Variants in NELL2 observed in about 807,000 individuals in gnomAD.
The protein encoded by NELL2 is protein kinase C-binding protein NELL2.
A neutral mutation model predicts 109.6 loss-of-function variants in NELL2; 41 were observed. That is an observed-to-expected ratio of 0.37 (90% CI 0.29 to 0.49). The LOEUF is 0.49. NELL2 is among the 20% of genes least tolerant of loss of function. The probability of loss-of-function intolerance (pLI) is 0.98; values close to 1 mark genes in which losing one functional copy is unlikely to be tolerated. For missense variants in NELL2, 900 were observed against 1,008.3 expected, an observed-to-expected ratio of 0.89 and a Z score of 1.45; for synonymous variants, 355 against 344.7, an observed-to-expected ratio of 1.03 and a Z score of -0.33.
chr12:44,566,566 C>CACACACACACACACACAGAGAGAG (rs377368706), intron 15 of NELL2, among the ~76,000 whole-genome samples: 1 of 138,422 alleles, frequency 7.2e-6, no homozygotes, highest in African/African-American at 2.6e-5. Context: ...CACACACACA[C>CACACACACACACACACAGAGAGAG]AGAGTTTTAT....
chr12:44,623,521 A>G lies in NELL2; in HGVS notation c.1445-12551T>C, dbSNP rs541597535. Among the ~76,000 whole-genome samples, 7 of 152,222 alleles carry G rather than the reference A, an allele frequency of 4.6e-5. No homozygotes were observed. In the South Asian group the frequency reaches 1.2e-3, roughly 27 times the overall value. ...GAATTTAAAATGGATTTTATTCTAA[A>G]TCTCACTCAGAATCATTCACTTTTA... On this transcript the variant is annotated intron_variant, in intron 13 of 19. Transcript: ENST00000429094.
intron 1 of NELL2, among the ~76,000 whole-genome samples, chr12:44,903,484 T>C (rs575514916): frequency 6.6e-6 from 1 of 152,286 alleles, no homozygotes; most frequent in East Asian, 1.9e-4. Flanking sequence ...GTGTAGCGAT[T>C]CCTCAAGGAC....
At chr12:44,749,590 G>T (rs1443550046) in intron 9 of NELL2, among the ~76,000 whole-genome samples, 1 of 152,064 alleles carries the variant, frequency 6.6e-6, no homozygotes, top group Non-Finnish European at 1.5e-5. Flanking sequence ...CCTTAGAAGA[G>T]AGACTGAGAA....
At chr12:44,863,842 T>A (rs1944910975) in intron 2 of NELL2, among the ~76,000 whole-genome samples, 1 of 152,076 alleles carries the variant, frequency 6.6e-6, no homozygotes. Flanking sequence ...TTAAAAATAA[T>A]AAAAGCTATA....
In NELL2 at chr12:44,645,898, C is replaced by T. The variant is rs11182594; in HGVS notation, c.1444+19586G>A. On this transcript the variant is annotated intron_variant, in intron 13 of 19. Coordinates refer to ENST00000429094, the MANE Select transcript of NELL2 (RefSeq NM_001145108.2). ...TTATAGTATATTATACTCTTTTTTA[C>T]CCTCATCTTGCATCCATCATTAGAA... 1.2e-3 allele frequency among the ~76,000 whole-genome samples: 182 copies of T among 152,158 alleles called. 2 individuals are homozygous for T. The East Asian group carries it at 0.026, about 22-fold the overall frequency.
chr12:44,765,908 T>G (rs573060476), intron 9 of NELL2, among the ~76,000 whole-genome samples: 12 of 152,182 alleles, frequency 7.9e-5, no homozygotes, highest in African/African-American at 2.9e-4. Flanking sequence ...GCAGATCACT[T>G]TAGGTGTTTG....
intron 1 of NELL2, among the ~76,000 whole-genome samples, chr12:44,910,935 T>C (rs1470090492): frequency 1.3e-5 from 2 of 151,956 alleles, no homozygotes; most frequent in Admixed American, 6.6e-5. Flanking sequence ...CTCTTATAAG[T>C]GGGAGCTAAA....
At chr12:44,753,174 A>G (rs1379407196) in intron 9 of NELL2, among the ~76,000 whole-genome samples, 1 of 152,152 alleles carries the variant, frequency 6.6e-6, no homozygotes, top group Non-Finnish European at 1.5e-5. Flanking sequence ...AAGAGACCAC[A>G]GCACCCTGTC....
chr12:44,714,566 A>T, intron 10 of NELL2, 84 bp downstream of exon 10: 1 of 734,044 alleles, frequency 1.4e-6, no homozygotes, highest in Non-Finnish European at 2.2e-6. Context: ...TCAAAAATGT[A>T]TTTCAAGGTT....
At position 44,777,244 on chromosome 12, in the gene NELL2, C is replaced by T. The variant is rs771170673; in HGVS notation, c.677G>A (p.Arg226His). 13 of 1,612,958 alleles carry T rather than the reference C, an allele frequency of 8.1e-6. No homozygotes were observed. Among genetic ancestry groups the T allele is most frequent in the South Asian group, 5.5e-5 (5 of 91,058 alleles). ...GFIAQCPDLN[R>H]TCPTCNDFHG... ...AGTGCAAGAACTAATAGACTTACTGCGATTAAGATCTGGGCACTGAGCAAT... is the reference window on the plus strand; with the variant it reads ...AGTGCAAGAACTAATAGACTTACTGTGATTAAGATCTGGGCACTGAGCAAT... Residue 226 changes from arginine to histidine, a missense_variant and splice_region_variant, in exon 6 of 20, where the codon CGC becomes CAC. Arg to His is a conservative substitution (Grantham distance 29). This residue lies in a region of NELL2 where 75 missense variants were observed against 118.9 expected (regional missense o/e 0.63). Transcript: ENST00000429094.
intron 9 of NELL2, among the ~76,000 whole-genome samples, chr12:44,738,723 T>A (rs1939781562): frequency 6.6e-6 from 1 of 152,160 alleles, no homozygotes; most frequent in African/African-American, 2.4e-5. Flanking sequence ...ATATGATGAA[T>A]AAGTTCTGGA....
chr12:44,879,540 A>G (rs74921300), upstream of NELL2, among the ~76,000 whole-genome samples: 1,172 of 152,108 alleles, frequency 7.7e-3, 30 homozygotes, highest in African/African-American at 0.027. Flanking sequence ...TAGAAAAAAG[A>G]CATAGCAGAA....
intron 12 of NELL2, among the ~76,000 whole-genome samples, chr12:44,674,676 C>T (rs1285376130): frequency 6.6e-6 from 1 of 151,940 alleles, no homozygotes. Flanking sequence ...TTGGAAGAAG[C>T]GGGTAGGGAG....
intron 3 of NELL2, among the ~76,000 whole-genome samples, chr12:44,781,858 G>T (rs1270879689): frequency 6.6e-6 from 1 of 151,870 alleles, no homozygotes; most frequent in African/African-American, 2.4e-5. Flanking sequence ...GGAAAACTAA[G>T]AGAATTTATC....
In NELL2 at chr12:44,751,502, C is replaced by A. The variant is rs527399755; in HGVS notation, c.994+23245G>T. On this transcript the variant is annotated intron_variant, in intron 9 of 19. Coordinates refer to ENST00000429094, the MANE Select transcript of NELL2 (RefSeq NM_001145108.2). The stretch of plus-strand genomic sequence containing the variant: ...ACAAATTTGTGTATGTATTACATTT[C>A]AACTTCATTTCATTTTCAAAAAGCA... Among the ~76,000 whole-genome samples, 56 of 152,128 alleles carry A rather than the reference C, an allele frequency of 3.7e-4. 1 individual carries two copies. Among genetic ancestry groups the A allele is most frequent in the African/African-American group, 1.3e-3 (55 of 41,506 alleles).
intron 9 of NELL2, among the ~76,000 whole-genome samples, chr12:44,730,051 G>A (rs1263849116): frequency 1.3e-5 from 2 of 152,058 alleles, no homozygotes; most frequent in Non-Finnish European, 2.9e-5. Flanking sequence ...AGATAAATAA[G>A]GAAATTATAT....
At chr12:44,762,436 C>G (rs1161362688) in intron 9 of NELL2, among the ~76,000 whole-genome samples, 1 of 152,192 alleles carries the variant, frequency 6.6e-6, no homozygotes, top group African/African-American at 2.4e-5. Context: ...AAAACCTAAT[C>G]ATTTCCCATA....
chr12:44,795,700 C>G lies in NELL2; in HGVS notation c.336-15678G>C, dbSNP rs76543850. Among the ~76,000 whole-genome samples, 657 of 152,180 alleles carry G rather than the reference C, an allele frequency of 4.3e-3. 3 individuals carry two copies. Among genetic ancestry groups the G allele is most frequent in the African/African-American group, 0.015 (623 of 41,526 alleles). Reference sequence around the variant, plus strand: ...GGATTAATCCAACTAGTGGATATCACTGGTATGCGGGGACTCTAGTATAAT... The same window carrying G: ...GGATTAATCCAACTAGTGGATATCAGTGGTATGCGGGGACTCTAGTATAAT... On this transcript the variant is annotated intron_variant, in intron 3 of 19. Coordinates refer to ENST00000429094, the MANE Select transcript of NELL2 (RefSeq NM_001145108.2).
At chr12:44,572,085 G>C (rs140146447) in intron 15 of NELL2, among the ~76,000 whole-genome samples, 223 of 151,826 alleles carry the variant, frequency 1.5e-3, no homozygotes, top group African/African-American at 5.1e-3. Context: ...TTATTCCATG[G>C]CCCATCATTA....
Sources: allele counts gnomAD v4.1 joint callset (sites outside exome capture counted in the v4.1 genomes callset), GRCh38; gene constraint gnomAD v4.1.1; regional missense constraint gnomAD v4.1.1; transcripts MANE v1.5; gene names NCBI Gene and HGNC (gene_info 2026-07-23, HGNC 2026-07-21).